Variants in ZNF280D observed in about 807,000 individuals in gnomAD.
ZNF280D encodes the protein suppressor of hairy wing homolog 4.
Under a neutral mutation model 94.7 loss-of-function variants are expected in ZNF280D, and 39 were observed. The ratio of observed to expected loss-of-function variants is 0.41; its 90% CI spans 0.32 to 0.54. The LOEUF (loss-of-function observed/expected upper bound fraction) is 0.54. Among genes scored for constraint, ZNF280D ranks in the 20% least tolerant of loss-of-function variants. ZNF280D has a pLI of 0.22. For missense variants in ZNF280D, 1,090 were observed against 1,149.3 expected (o/e 0.95, Z 0.75); for synonymous variants, 398 against 377.6 (o/e 1.05, Z -0.63).
chr15:56,632,844 C>A lies in ZNF280D; in HGVS notation c.2316-722G>T, dbSNP rs540334531. On this transcript the variant is annotated intron_variant, in intron 21 of 21. Transcript: ENST00000267807. The stretch of plus-strand genomic sequence containing the variant: ...TAGAATGTCTTTCCATACATAAAAT[C>A]AGATAAGCATTCAAACATATTTTTC... 2.0e-5 allele frequency among the ~76,000 whole-genome samples: 3 copies of A among 151,726 alleles called. No individual in the cohort carries two copies. The East Asian group carries it at 5.8e-4, about 29-fold the overall frequency.
intron 1 of ZNF280D, chr15:56,730,287 G>A (rs1201922590): frequency 6.6e-6 from 1 of 151,974 alleles, no homozygotes; most frequent in Non-Finnish European, 1.5e-5. Flanking sequence ...CCTTTCTAAA[G>A]CAAGAAAAAA....
chr15:56,632,043 T>A lies in ZNF280D; in HGVS notation c.2395A>T (p.Ser799Cys), dbSNP rs776925919. The change falls in exon 22 of 22, where the codon AGT becomes TGT. Residue 799 changes from serine (S) to cysteine (C), a missense_variant. By Grantham distance (112) the Ser-to-Cys change is moderately radical (BLOSUM62 -1). Coordinates refer to ENST00000267807, the MANE Select transcript of ZNF280D (RefSeq NM_017661.4). Reference sequence around the variant, plus strand: ...TCTGAAACTGTTATGCTTTCTTCACTTTTTGTTGTTGATGAGCCTTCAAAT... The same window carrying A: ...TCTGAAACTGTTATGCTTTCTTCACATTTTGTTGTTGATGAGCCTTCAAAT... ...NSFEGSSTTK[S>C]EESITVSDKE... The A allele has an allele frequency of 6.2e-7, 1 of 1,612,836 alleles. No individual in the cohort carries two copies. The highest frequency in any genetic ancestry group is 8.5e-7 in the Non-Finnish European group (1 of 1,179,486).
At chr15:56,647,648 C>A (rs2052970508) in intron 19 of ZNF280D, among the ~76,000 whole-genome samples, 1 of 152,142 alleles carries the variant, frequency 6.6e-6, no homozygotes, top group Non-Finnish European at 1.5e-5. Context: ...CCTCTCATCA[C>A]CATCTCCTGA....
chr15:56,710,955 T>TG (rs2057729067), intron 1 of ZNF280D, among the ~76,000 whole-genome samples: 1 of 152,218 alleles, frequency 6.6e-6, no homozygotes, highest in Admixed American at 6.5e-5. Flanking sequence ...AACCAAGTCA[T>TG]AGTACCAGCA....
rs749946750 is a variant in ZNF280D at position 56,700,867 on chromosome 15, T to C, written c.381+66A>G. 8.7e-6 allele frequency: 14 copies of C among 1,612,690 alleles called. No individual in the cohort carries two copies. The South Asian group carries it at 1.4e-4, about 16-fold the overall frequency. ...ACAGTCCAGAATTGTAACTGGGTAC[T>C]GTTGATATTGATAAACAACATCCAA... On this transcript the variant is annotated intron_variant, in intron 6 of 21. Transcript: ENST00000267807.
At chr15:56,662,884 G>GT (rs2054040987) in intron 16 of ZNF280D, among the ~76,000 whole-genome samples, 2 of 147,526 alleles carry the variant, frequency 1.4e-5, no homozygotes, top group South Asian at 4.4e-4. Context: ...TTCAAAGAAA[G>GT]TAACGGCTGT....
At chr15:56,723,075 T>C (rs1287593123) in intron 1 of ZNF280D, among the ~76,000 whole-genome samples, 2 of 116,080 alleles carry the variant, frequency 1.7e-5, no homozygotes, top group African/African-American at 3.4e-5. Flanking sequence ...CTGGGGACTA[T>C]TGTGGGGTGG....
rs1186141394 is a variant in ZNF280D at position 56,669,005 on chromosome 15, A to G, written c.1411-48T>C. ...AGGGGGAAAAATAATTTCAAAAACT[A>G]CAAATCCTGTGTCCTGAAACTGCTG... On this transcript the variant is annotated intron_variant, in intron 13 of 21. Coordinates refer to ENST00000267807, the MANE Select transcript of ZNF280D (RefSeq NM_017661.4). 4 of 1,561,944 alleles carry G rather than the reference A, an allele frequency of 2.6e-6. No homozygotes were observed. In the East Asian group the frequency reaches 6.9e-5, roughly 27 times the overall value.
At chr15:56,675,807 T>C (rs2140955722) in intron 13 of ZNF280D, among the ~76,000 whole-genome samples, 1 of 152,162 alleles carries the variant, frequency 6.6e-6, no homozygotes, top group African/African-American at 2.4e-5. Flanking sequence ...ATTTAATCAA[T>C]AATAAGAGAA....
chr15:56,649,609 G>GTT (rs113795502), intron 19 of ZNF280D, among the ~76,000 whole-genome samples: 1 of 142,672 alleles, frequency 7.0e-6, no homozygotes, highest in African/African-American at 2.6e-5. Context: ...AGATCAGTTT[G>GTT]TTTTTTTTTT....
chr15:56,658,120 T>C (rs912555805), intron 17 of ZNF280D, among the ~76,000 whole-genome samples: 1 of 152,160 alleles, frequency 6.6e-6, no homozygotes, highest in East Asian at 1.9e-4. Flanking sequence ...TCATTTTTTA[T>C]ATGAAATGTC....
chr15:56,651,246 G>A (rs1289901794), intron 19 of ZNF280D, among the ~76,000 whole-genome samples: 2 of 152,130 alleles, frequency 1.3e-5, no homozygotes, highest in Non-Finnish European at 2.9e-5. Flanking sequence ...ATTTTTCTAA[G>A]AATGATGATG....
intron 16 of ZNF280D, among the ~76,000 whole-genome samples, chr15:56,664,588 A>T (rs995980181): frequency 1.3e-5 from 2 of 152,192 alleles, no homozygotes; most frequent in African/African-American, 4.8e-5. Flanking sequence ...ATGACCTACA[A>T]TTGACTAATT....
intron 6 of ZNF280D, among the ~76,000 whole-genome samples, chr15:56,696,841 A>AT (rs1433365945): frequency 2.0e-5 from 3 of 152,152 alleles, no homozygotes; most frequent in South Asian, 2.1e-4. Flanking sequence ...AAAACCTCTC[A>AT]TTTTTTAAAA....
chr15:56,719,112 T>A (rs376167589), intron 1 of ZNF280D, among the ~76,000 whole-genome samples: 1 of 152,214 alleles, frequency 6.6e-6, no homozygotes, highest in South Asian at 2.1e-4. Context: ...AGCTATCAAT[T>A]CTCAACAGCA....
intron 10 of ZNF280D, among the ~76,000 whole-genome samples, chr15:56,679,610 A>G (rs2055483556): frequency 6.6e-6 from 1 of 152,222 alleles, no homozygotes; most frequent in Non-Finnish European, 1.5e-5. Flanking sequence ...ATACATTTAA[A>G]AGAGCTTACT....
chr15:56,668,832 A>G lies in ZNF280D; in HGVS notation c.1536T>C (p.Pro512=). 3.7e-6 allele frequency: 6 copies of G among 1,600,838 alleles called. No individual in the cohort carries two copies. Among genetic ancestry groups the G allele is most frequent in the Non-Finnish European group, 5.1e-6 (6 of 1,175,388 alleles). The part of the protein sequence containing the change: ...IKPKQLEGLP[P]GTKVTIRASV... ...ATATATTTTAACTCACTTTTGTTCC[A>G]GGAGGCAATCCTTCTAGTTGTTTAG... Residue 512 remains proline (P), a synonymous_variant, in exon 14 of 22, where the codon CCT becomes CCC. Transcript: ENST00000267807.
chr15:56,674,541 A>G (rs1272671111), intron 13 of ZNF280D, among the ~76,000 whole-genome samples: 1 of 152,076 alleles, frequency 6.6e-6, no homozygotes, highest in East Asian at 1.9e-4. Context: ...TAGAGCAGTA[A>G]AAGCTTGGAT....
intron 19 of ZNF280D, among the ~76,000 whole-genome samples, chr15:56,651,326 T>G (rs1482905080): frequency 6.6e-6 from 1 of 152,208 alleles, no homozygotes; most frequent in Non-Finnish European, 1.5e-5. Flanking sequence ...GAAATGGCTA[T>G]CTGACCAGAT....
Sources: gnomAD v4.1 joint callset for allele counts (sites outside exome capture counted in the v4.1 genomes callset) on GRCh38, gnomAD v4.1.1 for gene constraint, MANE v1.5 for transcripts, NCBI Gene and HGNC (gene_info 2026-07-23, HGNC 2026-07-21) for gene names.